UBXN2A: variants seen among roughly 807,000 people sequenced by gnomAD.
UBXN2A encodes UBX domain-containing protein 2A.
UBXN2A carries 28 observed loss-of-function variants against 28.4 expected under a neutral mutation model. The observed-to-expected ratio is 0.99, with a 90% confidence interval of 0.73 to 1.35. The LOEUF (loss-of-function observed/expected upper bound fraction) is 1.35, where lower values mean the gene tolerates loss of function less well. UBXN2A is among the 40% of genes most tolerant of loss of function. UBXN2A has a pLI of 0.00. For synonymous variants in UBXN2A, 97 were observed against 103.6 expected, an observed-to-expected ratio of 0.94 and a Z score of 0.39; for missense variants, 253 against 297.9, an observed-to-expected ratio of 0.85 and a Z score of 1.11.
chr2:23,965,801 A>C (rs1036586847), intron 2 of UBXN2A, among the ~76,000 whole-genome samples: 40 of 152,240 alleles, frequency 2.6e-4, no homozygotes, highest in African/African-American at 9.6e-4. Flanking sequence ...TTTCTTTCTT[A>C]AATGTTTGGT....
chr2:23,948,828 A>G (rs912547881), intron 1 of UBXN2A, among the ~76,000 whole-genome samples: 6 of 152,146 alleles, frequency 3.9e-5, no homozygotes, highest in African/African-American at 1.4e-4. Context: ...AGTAAAAGCA[A>G]TTTGTCAGTA....
intron 2 of UBXN2A, among the ~76,000 whole-genome samples, chr2:23,970,886 CAG>C (rs1310454766): frequency 6.6e-6 from 1 of 152,022 alleles, no homozygotes; most frequent in Non-Finnish European, 1.5e-5. Flanking sequence ...TGACAGGAGA[CAG>C]AGCTCAGGTG....
intron 6 of UBXN2A, among the ~76,000 whole-genome samples, chr2:23,990,090 G>A (rs915261521): frequency 6.6e-6 from 1 of 151,902 alleles, no homozygotes; most frequent in African/African-American, 2.4e-5. Context: ...CACACTGCTT[G>A]GGCTTTGACT....
intron 3 of UBXN2A, 116 bp downstream of exon 3, chr2:23,971,530 C>G: frequency 1.7e-6 from 2 of 1,196,756 alleles, no homozygotes; most frequent in Non-Finnish European, 2.2e-6. Flanking sequence ...TCTCTGTCAC[C>G]CAGACTGGAG....
intron 6 of UBXN2A, among the ~76,000 whole-genome samples, chr2:23,996,080 TTTTTG>T (rs1708520684): frequency 1.3e-5 from 2 of 150,934 alleles, no homozygotes; most frequent in Non-Finnish European, 3.0e-5. Flanking sequence ...TTTTTTTTTT[TTTTTG>T]AGTCAGAGTC....
At chr2:23,959,196 A>C (rs1369781240) in intron 2 of UBXN2A, among the ~76,000 whole-genome samples, 1 of 152,154 alleles carries the variant, frequency 6.6e-6, no homozygotes, top group East Asian at 1.9e-4. Context: ...TAATTATATA[A>C]TTGTGAGGTT....
intron 6 of UBXN2A, among the ~76,000 whole-genome samples, chr2:23,991,556 C>T (rs1708354746): frequency 6.6e-6 from 1 of 151,422 alleles, no homozygotes; most frequent in Non-Finnish European, 1.5e-5. Context: ...GCAACTTCTG[C>T]CTCCCAGGTT....
intron 2 of UBXN2A, among the ~76,000 whole-genome samples, chr2:23,965,713 G>T (rs1416173110): frequency 1.3e-5 from 2 of 152,240 alleles, no homozygotes; most frequent in South Asian, 2.1e-4. Context: ...TATTAGCATA[G>T]TGTTATCCTC....
At chr2:23,967,268 G>A (rs1197281239) in intron 2 of UBXN2A, among the ~76,000 whole-genome samples, 4 of 152,048 alleles carry the variant, frequency 2.6e-5, no homozygotes, top group African/African-American at 9.7e-5. Context: ...AAGTTTAATA[G>A]AATTTACACA....
intron 3 of UBXN2A, among the ~76,000 whole-genome samples, chr2:23,976,387 G>A (rs1044334809): frequency 2.6e-5 from 4 of 151,996 alleles, no homozygotes; most frequent in Admixed American, 1.3e-4. Flanking sequence ...GCCCAACATC[G>A]CTTCCCCCTT....
At chr2:23,987,744 C>G (rs1708186611) in intron 6 of UBXN2A, among the ~76,000 whole-genome samples, 1 of 148,620 alleles carries the variant, frequency 6.7e-6, no homozygotes, top group African/African-American at 2.5e-5. Context: ...CGCCACTGCA[C>G]TCCAGCCTGG....
At position 24,001,717 on chromosome 2, in the gene UBXN2A, TG is replaced by T. The variant is rs1708727311; in HGVS notation, c.*1853del. The T allele has an allele frequency of 6.6e-6, 1 of 152,106 alleles. No individual in the cohort carries two copies. Among genetic ancestry groups the T allele is most frequent in the South Asian group, 2.1e-4 (1 of 4,830 alleles). 9.4% of individuals were successfully genotyped at this position (152,106 alleles called of 1,614,324 possible). A position where few individuals can be genotyped will look rare whatever the true frequency, so the allele number is the denominator to read the frequency against. ...GCTTACGCCTGTAATCCCAGCACTTTGGGAGGCTGAGGCAGGCGGATCACAA... is the reference window on the plus strand; with the variant it reads ...GCTTACGCCTGTAATCCCAGCACTTTGGAGGCTGAGGCAGGCGGATCACAA... On this transcript the variant is annotated 3_prime_UTR_variant, in exon 7 of 7. Coordinates refer to ENST00000309033, the MANE Select transcript of UBXN2A (RefSeq NM_181713.4).
intron 1 of UBXN2A, among the ~76,000 whole-genome samples, chr2:23,932,107 C>G (rs1275295089): frequency 1.3e-5 from 2 of 151,882 alleles, no homozygotes; most frequent in Non-Finnish European, 2.9e-5. Flanking sequence ...ATCATGAGGT[C>G]AGGAGTTCGA....
chr2:23,981,476 TAAAAAAAAA>T (rs55665209), intron 4 of UBXN2A, among the ~76,000 whole-genome samples: 7 of 28,920 alleles, frequency 2.4e-4, no homozygotes, highest in African/African-American at 7.3e-4. Context: ...AGCTCCTATC[TAAAAAAAAA>T]AAAAAAAAAA....
At chr2:23,975,839 T>C (rs1707636067) in intron 3 of UBXN2A, among the ~76,000 whole-genome samples, 1 of 152,168 alleles carries the variant, frequency 6.6e-6, no homozygotes, top group Non-Finnish European at 1.5e-5. Flanking sequence ...TTGGTCAGGC[T>C]GGTCTTGAAC....
chr2:23,944,228 C>G (rs762283724), intron 1 of UBXN2A: 192 of 1,591,202 alleles, frequency 1.2e-4, no homozygotes, highest in Non-Finnish European at 1.6e-4. Flanking sequence ...TGTATCATAC[C>G]TGGAATGGGA....
intron 4 of UBXN2A, among the ~76,000 whole-genome samples, chr2:23,978,721 T>C (rs1415622289): frequency 6.6e-6 from 1 of 152,084 alleles, no homozygotes; most frequent in East Asian, 1.9e-4. Context: ...CCCAGCACTT[T>C]GGGAGGCGGA....
intron 2 of UBXN2A, among the ~76,000 whole-genome samples, chr2:23,963,471 CAAAA>C (rs563195167): frequency 3.9e-5 from 4 of 102,316 alleles, no homozygotes; most frequent in African/African-American, 1.1e-4. Context: ...GACAGTGTCT[CAAAA>C]AAAAAAAAAA....
chr2:23,985,962 C>G (rs1245265894), intron 6 of UBXN2A, among the ~76,000 whole-genome samples: 1 of 151,970 alleles, frequency 6.6e-6, no homozygotes, highest in Non-Finnish European at 1.5e-5. Context: ...CACTGCAAGC[C>G]TGGGTGACAT....
Sources: allele counts gnomAD v4.1 joint callset (sites outside exome capture counted in the v4.1 genomes callset), GRCh38; gene constraint gnomAD v4.1.1; transcripts MANE v1.5; gene names NCBI Gene and HGNC (gene_info 2026-07-23, HGNC 2026-07-21).